SEMA3A: variants seen among roughly 807,000 people sequenced by gnomAD.
SEMA3A encodes the protein semaphorin 3A.
A neutral mutation model predicts 97.9 loss-of-function variants in SEMA3A; 29 were observed. That is an observed-to-expected ratio of 0.30 (90% CI 0.22 to 0.40). The LOEUF is 0.40. Ranked by LOEUF, SEMA3A falls within the 10% of genes least tolerant of loss-of-function variation. SEMA3A has a pLI of 1.00. For synonymous variants in SEMA3A, 321 were observed against 323.7 expected (o/e 0.99, Z 0.09); for missense variants, 763 against 951.3 (o/e 0.80, Z 2.60).
intron 3 of SEMA3A, among the ~76,000 whole-genome samples, chr7:84,296,390 T>C (rs1336474496): frequency 2.6e-5 from 4 of 152,182 alleles, no homozygotes; most frequent in African/African-American, 4.8e-5. Context: ...AGAAATTACA[T>C]GACATTCATG....
intron 4 of SEMA3A, among the ~76,000 whole-genome samples, chr7:84,073,071 A>G (rs551373864): frequency 1.3e-5 from 2 of 152,288 alleles, no homozygotes; most frequent in Admixed American, 6.5e-5. Flanking sequence ...AGTAGAAACA[A>G]TTTTATTTTA....
At chr7:84,260,553 C>T (rs1195392532) in intron 3 of SEMA3A, among the ~76,000 whole-genome samples, 1 of 152,192 alleles carries the variant, frequency 6.6e-6, no homozygotes, top group African/African-American at 2.4e-5. Flanking sequence ...CACTGTCTGG[C>T]CTCTCCCCAC....
At chr7:84,003,142 A>G (rs1461071571) in intron 11 of SEMA3A, among the ~76,000 whole-genome samples, 2 of 152,134 alleles carry the variant, frequency 1.3e-5, no homozygotes, top group Non-Finnish European at 2.9e-5. Flanking sequence ...CTGTTTTTGG[A>G]GAACCAACAT....
chr7:84,345,000 AAC>A (rs1296421703), intron 2 of SEMA3A, among the ~76,000 whole-genome samples: 2 of 152,216 alleles, frequency 1.3e-5, no homozygotes, highest in Non-Finnish European at 2.9e-5. Flanking sequence ...ATACTATTTA[AAC>A]AGTGTCTAAA....
At chr7:84,353,603 C>G (rs115428684) in intron 2 of SEMA3A, among the ~76,000 whole-genome samples, 1 of 151,576 alleles carries the variant, frequency 6.6e-6, no homozygotes, top group Non-Finnish European at 1.5e-5. Context: ...ATGGGTAAAG[C>G]ATACTTCAAT....
rs1790667365 is a variant in SEMA3A at position 84,006,376 on chromosome 7, C to T, written c.1141-818G>A. Among the ~76,000 whole-genome samples the T allele has an allele frequency of 3.3e-5, 5 of 151,560 alleles. No homozygotes were observed. The South Asian group carries it at 8.4e-4, about 25-fold the overall frequency. On this transcript the variant is annotated intron_variant, in intron 10 of 16. Transcript: ENST00000265362. ...TGAGATATGTAATAAATAAAATAAT[C>T]CCAGAGTTAAGGAAAAGTGTTATTC...
chr7:84,291,768 G>A (rs1184502153), intron 3 of SEMA3A, among the ~76,000 whole-genome samples: 1 of 152,108 alleles, frequency 6.6e-6, no homozygotes, highest in Admixed American at 6.6e-5. Context: ...CCATTCCTCA[G>A]TTCAAAAGTG....
chr7:84,288,018 T>G (rs901862754), intron 3 of SEMA3A, among the ~76,000 whole-genome samples: 1 of 152,222 alleles, frequency 6.6e-6, no homozygotes, highest in African/African-American at 2.4e-5. Flanking sequence ...GTAGATACAA[T>G]GTGTAGTCCA....
chr7:84,017,052 C>T (rs75961273), intron 6 of SEMA3A, among the ~76,000 whole-genome samples: 6,531 of 152,208 alleles, frequency 0.043, 181 homozygotes, highest in Non-Finnish European at 0.065. Context: ...ATGTGCAAGA[C>T]GCCATGTAGA....
At chr7:84,062,662 G>A (rs551124484) in intron 4 of SEMA3A, among the ~76,000 whole-genome samples, 14 of 152,290 alleles carry the variant, frequency 9.2e-5, no homozygotes, top group South Asian at 4.1e-4. Context: ...GGTGACAGAC[G>A]GCACCTGGAA....
At chr7:84,324,866 A>G (rs1801734360) in intron 2 of SEMA3A, among the ~76,000 whole-genome samples, 1 of 152,142 alleles carries the variant, frequency 6.6e-6, no homozygotes, top group South Asian at 2.1e-4. Context: ...CATTCAACAA[A>G]TACTTATTGA....
intron 1 of SEMA3A, among the ~76,000 whole-genome samples, chr7:84,383,166 G>T (rs1211798672): frequency 6.6e-6 from 1 of 151,972 alleles, no homozygotes; most frequent in Non-Finnish European, 1.5e-5. Flanking sequence ...TTTTAATAAT[G>T]AACTGGAGAA....
At chr7:84,397,073 T>C (rs1057398545) in intron 1 of SEMA3A, among the ~76,000 whole-genome samples, 4 of 152,036 alleles carry the variant, frequency 2.6e-5, no homozygotes, top group African/African-American at 9.7e-5. Context: ...AATCTTGATT[T>C]ACATTTCCAT....
chr7:84,214,957 C>T (rs925695642), intron 3 of SEMA3A, among the ~76,000 whole-genome samples: 4 of 151,670 alleles, frequency 2.6e-5, no homozygotes, highest in African/African-American at 4.8e-5. Context: ...CCCCCTTGGC[C>T]TCCCAAAGTG....
chr7:84,361,185 G>A (rs1802710416), intron 2 of SEMA3A, among the ~76,000 whole-genome samples: 1 of 152,038 alleles, frequency 6.6e-6, no homozygotes, highest in Non-Finnish European at 1.5e-5. Flanking sequence ...AGGGAACAAT[G>A]GCTGAGTTTC....
At chr7:84,316,816 C>T (rs1801516273) in intron 2 of SEMA3A, among the ~76,000 whole-genome samples, 1 of 152,036 alleles carries the variant, frequency 6.6e-6, no homozygotes, top group African/African-American at 2.4e-5. Flanking sequence ...TTGCGGGGCG[C>T]CCACAATCAA....
chr7:83,997,448 T>C (rs541118628), intron 12 of SEMA3A, among the ~76,000 whole-genome samples: 3 of 152,304 alleles, frequency 2.0e-5, no homozygotes, highest in Non-Finnish European at 1.5e-5. Flanking sequence ...AATATTCCAA[T>C]TGCTAGACCA....
chr7:84,402,983 A>C (rs1007163700), intron 1 of SEMA3A, among the ~76,000 whole-genome samples: 3 of 152,134 alleles, frequency 2.0e-5, no homozygotes, highest in Non-Finnish European at 4.4e-5. Flanking sequence ...CGCAGAAGAC[A>C]GATGATTTCT....
intron 1 of SEMA3A, among the ~76,000 whole-genome samples, chr7:84,457,938 T>C (rs7810450): frequency 0.11 from 16,964 of 151,962 alleles, 1,180 homozygotes; most frequent in East Asian, 0.28. Flanking sequence ...ATGTATTAAC[T>C]GATGTAAATG....
Sources: allele counts gnomAD v4.1 joint callset (sites outside exome capture counted in the v4.1 genomes callset), GRCh38; gene constraint gnomAD v4.1.1; transcripts MANE v1.5; gene names NCBI Gene and HGNC (gene_info 2026-07-23, HGNC 2026-07-21).